The following STIM2 variants were observed in gnomAD, a reference collection of about 807,000 sequenced individuals.
STIM2 encodes the protein stromal interaction molecule 2.
STIM2 carries 31 observed loss-of-function variants against 85.8 expected under a neutral mutation model. The observed-to-expected ratio is 0.36, with a 90% CI of 0.27 to 0.49. The LOEUF (loss-of-function observed/expected upper bound fraction) is 0.49. Among genes scored for constraint, STIM2 ranks in the 20% least tolerant of loss-of-function variants. The pLI is 0.98. For synonymous variants in STIM2, 356 were observed against 331.1 expected (o/e 1.08, Z -0.82); for missense variants, 841 against 927.6 (o/e 0.91, Z 1.21).
rs984160994 is a variant in STIM2 at position 27,023,184 on chromosome 4, A to G, written c.*188A>G. The G allele has an allele frequency of 1.5e-5, 9 of 599,000 alleles. No individual in the cohort carries two copies. The highest frequency in any genetic ancestry group is 1.1e-4 in the African/African-American group (6 of 54,026). The allele number at this position is 599,000 out of a possible 1,614,324, so 37.1% of individuals were successfully genotyped here. On this transcript the variant is annotated 3_prime_UTR_variant, in exon 12 of 12. Transcript: ENST00000467087. The stretch of plus-strand genomic sequence containing the variant: ...TGTCTGCTTATTTAAGTGACTATAT[A>G]TAATCAATTCATCAAGCCAGTTATT...
chr4:26,929,548 T>G (rs1254434570), intron 2 of STIM2, among the ~76,000 whole-genome samples: 2 of 152,080 alleles, frequency 1.3e-5, no homozygotes, highest in Non-Finnish European at 2.9e-5. Context: ...TTCTTGTGAT[T>G]TTTGTTTTGT....
At chr4:26,991,735 A>G (rs1439450237) in intron 3 of STIM2, among the ~76,000 whole-genome samples, 1 of 152,110 alleles carries the variant, frequency 6.6e-6, no homozygotes, top group Non-Finnish European at 1.5e-5. Flanking sequence ...CTGTAGTTAA[A>G]TAATGTGGCT....
chr4:26,997,613 A>G (rs1479877982), intron 4 of STIM2, among the ~76,000 whole-genome samples: 1 of 152,196 alleles, frequency 6.6e-6, no homozygotes, highest in East Asian at 1.9e-4. Context: ...TTCTTAGTCT[A>G]TTGATAGTTT....
At chr4:26,871,794 T>C (rs1328705240) in intron 1 of STIM2, among the ~76,000 whole-genome samples, 2 of 145,030 alleles carry the variant, frequency 1.4e-5, no homozygotes, top group African/African-American at 5.1e-5. Context: ...TCCTCCCACC[T>C]CGGCCCCGCA....
Position 26,914,647 on chromosome 4 carries a change from A to G in STIM2, c.152-4857A>G, listed in dbSNP as rs185191984. ...TTCATTTGGCTTCTAATATTTACAT[A>G]TACTTAAACCATTCAACAAATATGT... On this transcript the variant is annotated intron_variant, in intron 1 of 11. Transcript: ENST00000467087. Among the ~76,000 whole-genome samples, 291 of 152,352 alleles carry G rather than the reference A, an allele frequency of 1.9e-3. 1 individual carries two copies. Among genetic ancestry groups the G allele is most frequent in the Non-Finnish European group, 3.3e-3 (224 of 68,032 alleles).
chr4:26,905,620 GT>G (rs1417397404), intron 1 of STIM2, among the ~76,000 whole-genome samples: 1 of 152,116 alleles, frequency 6.6e-6, no homozygotes, highest in Non-Finnish European at 1.5e-5. Context: ...TCTTGGTCGT[GT>G]TTTGTTGATC....
chr4:26,997,490 C>G (rs1253341482), intron 4 of STIM2, among the ~76,000 whole-genome samples: 2 of 152,194 alleles, frequency 1.3e-5, no homozygotes, highest in Admixed American at 6.5e-5. Context: ...GCCTATGTGG[C>G]CTTCCCTGAC....
intron 1 of STIM2, among the ~76,000 whole-genome samples, chr4:26,896,135 G>C (rs769388924): frequency 6.6e-6 from 1 of 152,172 alleles, no homozygotes; most frequent in Non-Finnish European, 1.5e-5. Context: ...ACCACTTGTT[G>C]CTCCTAGGAA....
chr4:27,002,106 G>T, intron 5 of STIM2, 111 bp from the exon 6 acceptor site: 1 of 931,238 alleles, frequency 1.1e-6, no homozygotes, highest in East Asian at 2.7e-5. Flanking sequence ...GCATGGGAAA[G>T]AGATCTCCAA....
intron 2 of STIM2, among the ~76,000 whole-genome samples, chr4:26,948,445 A>G (rs1034927999): frequency 6.6e-6 from 1 of 152,202 alleles, no homozygotes; most frequent in African/African-American, 2.4e-5. Flanking sequence ...CATGTTTGCA[A>G]AAAGAAGTAG....
rs565763544 is a variant in STIM2, at chr4:26,863,774, A to G, written c.151+2405A>G. Among the ~76,000 whole-genome samples, 6 of 152,278 alleles carry G rather than the reference A, an allele frequency of 3.9e-5. No homozygotes were observed. The East Asian group carries it at 9.6e-4, about 24-fold the overall frequency. ...TTGAAAATTGAAAATTTTTGAAAGC[A>G]TTCTGAGAGAAGAATTGGTCTCTTT... On this transcript the variant is annotated intron_variant, in intron 1 of 11. Transcript: ENST00000467087.
chr4:26,942,781 G>T (rs1229578938), intron 2 of STIM2, among the ~76,000 whole-genome samples: 1 of 151,832 alleles, frequency 6.6e-6, no homozygotes, highest in African/African-American at 2.4e-5. Flanking sequence ...TATCTCCTTG[G>T]ACTACACGTA....
At chr4:26,973,026 G>A (rs953157377) in intron 3 of STIM2, among the ~76,000 whole-genome samples, 4 of 152,102 alleles carry the variant, frequency 2.6e-5, no homozygotes, top group Admixed American at 6.5e-5. Context: ...GTTTATTTGC[G>A]TAGAGGTGTT....
rs547803962 is a variant in STIM2, at chr4:26,888,229, T to G, written c.151+26860T>G. On this transcript the variant is annotated intron_variant, in intron 1 of 11. Coordinates refer to ENST00000467087, the MANE Select transcript of STIM2 (RefSeq NM_020860.4). Reference sequence around the variant, plus strand: ...CAACTTGGCGCCCATACACATCTTCTTAAATGATACTTAATCTCCAAATGA... The same window carrying G: ...CAACTTGGCGCCCATACACATCTTCGTAAATGATACTTAATCTCCAAATGA... Among the ~76,000 whole-genome samples the G allele has an allele frequency of 1.1e-4, 17 of 152,346 alleles. No individual in the cohort carries two copies. The East Asian group carries it at 3.1e-3, about 28-fold the overall frequency.
chr4:26,865,987 CT>C, intron 1 of STIM2, among the ~76,000 whole-genome samples: 1 of 3,922 alleles, frequency 2.5e-4, no homozygotes, highest in African/African-American at 1.4e-3. Context: ...TAGATAGCTA[CT>C]GTTTTTTTTT....
intron 3 of STIM2, among the ~76,000 whole-genome samples, chr4:26,963,696 G>A (rs934001577): frequency 2.0e-5 from 3 of 152,142 alleles, no homozygotes; most frequent in African/African-American, 7.2e-5. Context: ...CTAAGAGAAT[G>A]GACAGATTTA....
chr4:26,916,617 G>A (rs576823675), intron 1 of STIM2, among the ~76,000 whole-genome samples: 35 of 152,312 alleles, frequency 2.3e-4, no homozygotes, highest in African/African-American at 8.2e-4. Context: ...ATCCTGGTAT[G>A]AGAAACAGAG....
intron 1 of STIM2, among the ~76,000 whole-genome samples, chr4:26,910,738 G>C (rs1053588793): frequency 1.3e-5 from 2 of 152,170 alleles, no homozygotes; most frequent in Non-Finnish European, 2.9e-5. Flanking sequence ...TAATAAGACA[G>C]TTGCTGAGGT....
chr4:26,938,565 C>A (rs1725477915), intron 2 of STIM2, among the ~76,000 whole-genome samples: 1 of 152,122 alleles, frequency 6.6e-6, no homozygotes, highest in African/African-American at 2.4e-5. Flanking sequence ...GGAAGTTCTC[C>A]AAGCACTGAC....
Sources: allele counts gnomAD v4.1 joint callset (sites outside exome capture counted in the v4.1 genomes callset), GRCh38; gene constraint gnomAD v4.1.1; transcripts MANE v1.5; gene names NCBI Gene and HGNC (gene_info 2026-07-23, HGNC 2026-07-21).